Variants in ABCA12 observed in about 807,000 individuals in gnomAD.
The protein encoded by ABCA12 is glucosylceramide transporter ABCA12.
A neutral mutation model predicts 293.5 loss-of-function variants in ABCA12; 156 were observed. The ratio of observed to expected loss-of-function variants is 0.53; its 90% CI spans 0.47 to 0.61. The LOEUF (loss-of-function observed/expected upper bound fraction) is 0.61, where lower values mean the gene tolerates loss of function less well. Ranked by LOEUF, ABCA12 falls within the 20% of genes least tolerant of loss-of-function variation. The probability of loss-of-function intolerance (pLI) is 0.00; values close to 1 mark genes in which losing one functional copy is unlikely to be tolerated. For missense variants in ABCA12, 2,797 were observed against 3,090.2 expected (o/e 0.91, Z 2.25); for synonymous variants, 1,063 against 1,108.0 (o/e 0.96, Z 0.81).
rs550313871 is a variant in ABCA12 at position 214,963,005 on chromosome 2, A to G, written c.5884+3843T>C. Reference sequence around the variant, plus strand: ...TTGATAACCTAACATCTTAACTAAAAGAACTTAGAGAACCAAGAGCAAATA... The same window carrying G: ...TTGATAACCTAACATCTTAACTAAAGGAACTTAGAGAACCAAGAGCAAATA... On this transcript the variant is annotated intron_variant, in intron 39 of 52. Coordinates refer to ENST00000272895, the MANE Select transcript of ABCA12 (RefSeq NM_173076.3). 2.6e-5 allele frequency: 4 copies of G among 152,320 alleles called. No homozygotes were observed. The East Asian group carries it at 5.8e-4, about 22-fold the overall frequency. 9.4% of individuals were successfully genotyped at this position (152,320 alleles called of 1,614,324 possible). A position where few individuals can be genotyped will look rare whatever the true frequency, so the allele number is the denominator to read the frequency against.
intron 14 of ABCA12, chr2:215,017,804 A>G (rs541243812): frequency 0.03 from 19,079 of 635,638 alleles, 660 homozygotes; most frequent in Admixed American, 0.14. Context: ...AAAAATAAAG[A>G]GAAAAGGGAC....
intron 37 of ABCA12, 37 bp from the exon 38 acceptor site, chr2:214,968,844 G>A: frequency 6.3e-7 from 1 of 1,577,450 alleles, no homozygotes; most frequent in Non-Finnish European, 8.7e-7. Flanking sequence ...TTGGTTTAGT[G>A]GAGAAAATCT....
intron 44 of ABCA12, among the ~76,000 whole-genome samples, chr2:214,952,551 T>A (rs2105929770): frequency 6.6e-6 from 1 of 152,254 alleles, no homozygotes; most frequent in African/African-American, 2.4e-5. Context: ...TTCTGCCTAG[T>A]CCTATAGGCT....
At chr2:214,948,393 T>C (rs1318511978) in intron 47 of ABCA12, among the ~76,000 whole-genome samples, 1 of 151,208 alleles carries the variant, frequency 6.6e-6, no homozygotes, top group Non-Finnish European at 1.5e-5. Context: ...AAAGCTAATT[T>C]CATAGGTGCA....
intron 9 of ABCA12, among the ~76,000 whole-genome samples, chr2:215,030,477 G>A (rs979503657): frequency 3.9e-5 from 6 of 152,022 alleles, no homozygotes; most frequent in East Asian, 3.9e-4. Context: ...GGTGGCAAGC[G>A]CCTGTAGTCC....
At chr2:214,982,020 C>T (rs2105966343) in intron 30 of ABCA12, among the ~76,000 whole-genome samples, 167 bp downstream of exon 30, 1 of 149,480 alleles carries the variant, frequency 6.7e-6, no homozygotes, top group Non-Finnish European at 1.5e-5. Flanking sequence ...CTATGTTACC[C>T]AGGCTGGTCT....
intron 50 of ABCA12, among the ~76,000 whole-genome samples, chr2:214,940,775 T>A (rs1224184616): frequency 6.6e-6 from 1 of 152,202 alleles, no homozygotes; most frequent in Non-Finnish European, 1.5e-5. Context: ...TATAGTATTC[T>A]CTGATGGTAG....
Position 214,980,655 on chromosome 2 carries a change from AG to A in ABCA12, c.4580-13del. 1 of 1,614,094 alleles carries A rather than the reference AG, an allele frequency of 6.2e-7. No individual in the cohort carries two copies. Among genetic ancestry groups the A allele is most frequent in the Non-Finnish European group, 8.5e-7 (1 of 1,179,930 alleles). On this transcript the variant is annotated splice_polypyrimidine_tract_variant and intron_variant, in intron 30 of 52. Transcript: ENST00000272895. ...AATGATTGTTCTGGCTTGAAAATAC[AG>A]ACAAGAACAACAGGGAATGAAACGT...
At chr2:214,972,137 G>A (rs1699399050) in intron 36 of ABCA12, among the ~76,000 whole-genome samples, 1 of 151,908 alleles carries the variant, frequency 6.6e-6, no homozygotes, top group African/African-American at 2.4e-5. Context: ...CGTTTATTCT[G>A]GATATGAGTC....
chr2:215,101,294 T>TTGAAAAGAA (rs1401529683), intron 2 of ABCA12, among the ~76,000 whole-genome samples: 2 of 152,156 alleles, frequency 1.3e-5, no homozygotes, highest in African/African-American at 4.8e-5. Context: ...AAGGAAAAAG[T>TTGAAAAGAA]AGCTCACAAA....
At chr2:214,942,444 A>G (rs1191686186) in intron 50 of ABCA12, among the ~76,000 whole-genome samples, 1 of 152,236 alleles carries the variant, frequency 6.6e-6, no homozygotes, top group East Asian at 1.9e-4. Flanking sequence ...TATGATATTT[A>G]TGCACATTTC....
intron 2 of ABCA12, among the ~76,000 whole-genome samples, chr2:215,109,826 C>A (rs1702534640): frequency 1.3e-5 from 2 of 152,120 alleles, no homozygotes; most frequent in South Asian, 2.1e-4. Flanking sequence ...ACAAGAGGAA[C>A]TTTATGTAAC....
intron 7 of ABCA12, among the ~76,000 whole-genome samples, chr2:215,043,603 T>A (rs1440154479): frequency 6.6e-6 from 1 of 152,068 alleles, no homozygotes; most frequent in East Asian, 1.9e-4. Context: ...GTTGATTTTT[T>A]AATCAAATTT....
rs34532043 is a variant in ABCA12, at chr2:215,085,088, C to CAA, written c.164-20871_164-20870dup. On this transcript the variant is annotated intron_variant, in intron 2 of 52. Transcript: ENST00000272895. The stretch of plus-strand genomic sequence containing the variant: ...CAGCCTGGGCAACAGACCCTGTCTC[C>CAA]AAAAAAAAAAAAAAAAAACAGAAAA... Among the ~76,000 whole-genome samples the CAA allele has an allele frequency of 4.7e-3, 449 of 95,610 alleles. 6 individuals carry two copies. Among genetic ancestry groups the CAA allele is most frequent in the East Asian group, 0.01 (29 of 2,874 alleles). 62.7% of individuals were successfully genotyped at this position (95,610 alleles called of 152,430 possible).
At chr2:215,109,551 G>A (rs1436183910) in intron 2 of ABCA12, among the ~76,000 whole-genome samples, 3 of 152,104 alleles carry the variant, frequency 2.0e-5, no homozygotes, top group South Asian at 2.1e-4. Flanking sequence ...TCACTTCCTT[G>A]GCTAGTTATT....
At chr2:215,044,734 T>C (rs1351171959) in intron 7 of ABCA12, among the ~76,000 whole-genome samples, 1 of 152,186 alleles carries the variant, frequency 6.6e-6, no homozygotes, top group Non-Finnish European at 1.5e-5. Context: ...TTGTCTCCTC[T>C]TCTATAAAAT....
chr2:215,007,958 TGAA>T, intron 18 of ABCA12, 112 bp from the exon 19 acceptor site: 1 of 1,372,940 alleles, frequency 7.3e-7, no homozygotes, highest in Non-Finnish European at 1.0e-6. Flanking sequence ...TTCTAAAACA[TGAA>T]GTTAGTACAA....
rs543979424 is a variant in ABCA12, at chr2:214,936,127, C to T, written c.7542+1383G>A. 3.3e-5 allele frequency among the ~76,000 whole-genome samples: 5 copies of T among 152,210 alleles called. No individual in the cohort carries two copies. In the South Asian group the frequency reaches 1.0e-3, roughly 32 times the overall value. ...TCTAAAACTATTAAATGGAAAAATA[C>T]AAAAATAAACAATTTATAAGCTTTA... On this transcript the variant is annotated intron_variant, in intron 51 of 52. Transcript: ENST00000272895.
chr2:215,038,183 T>C (rs1303666005), intron 7 of ABCA12, among the ~76,000 whole-genome samples: 1 of 152,204 alleles, frequency 6.6e-6, no homozygotes, highest in Non-Finnish European at 1.5e-5. Context: ...TGGATATGTG[T>C]GTATGTTTAT....
Sources: gnomAD v4.1 joint callset for allele counts (sites outside exome capture counted in the v4.1 genomes callset) on GRCh38, gnomAD v4.1.1 for gene constraint, MANE v1.5 for transcripts, NCBI Gene and HGNC (gene_info 2026-07-23, HGNC 2026-07-21) for gene names.